AGAP1: variants seen among roughly 807,000 people sequenced by gnomAD.
The protein encoded by AGAP1 is ArfGAP with GTPase domain, ankyrin repeat and PH domain 1.
Under a neutral mutation model 105.3 loss-of-function variants are expected in AGAP1, and 29 were observed. That is an observed-to-expected ratio of 0.28 (90% confidence interval 0.21 to 0.38). The LOEUF is 0.38. Ranked by LOEUF, AGAP1 falls within the 10% of genes least tolerant of loss-of-function variation. The probability of loss-of-function intolerance (pLI) is 1.00; values close to 1 mark genes in which losing one functional copy is unlikely to be tolerated. For missense variants in AGAP1, 998 were observed against 1,165.1 expected, an observed-to-expected ratio of 0.86 and a Z score of 2.09; for synonymous variants, 509 against 485.9, an observed-to-expected ratio of 1.05 and a Z score of -0.63.
In AGAP1 at chr2:235,552,205, G is replaced by A. The variant is rs1943837178; in HGVS notation, c.163+57356G>A. On this transcript the variant is annotated intron_variant, in intron 1 of 17. Coordinates refer to ENST00000304032, the MANE Select transcript of AGAP1 (RefSeq NM_001037131.3). The surrounding 1 kb of genome is among the most constrained non-coding windows in gnomAD (Gnocchi z 5.9). ...CTCTGGCCGCGGTAGTCTGGACAGG[G>A]CTTCTGAGAACCACCTGCAGTTCTG... Among the ~76,000 whole-genome samples, 1 of 152,196 alleles carries A rather than the reference G, an allele frequency of 6.6e-6. No individual in the cohort carries two copies. Among genetic ancestry groups the A allele is most frequent in the African/African-American group, 2.4e-5 (1 of 41,454 alleles).
chr2:235,630,075 T>C (rs952421226), intron 1 of AGAP1, among the ~76,000 whole-genome samples: 1 of 152,122 alleles, frequency 6.6e-6, no homozygotes, highest in Non-Finnish European at 1.5e-5. Context: ...TGCATTAAGA[T>C]GAAACTTTAA....
intron 13 of AGAP1, among the ~76,000 whole-genome samples, chr2:236,017,722 CTA>C (rs1440132346): frequency 2.0e-5 from 3 of 152,332 alleles, no homozygotes; most frequent in African/African-American, 7.2e-5. Context: ...AGGTTTGAGT[CTA>C]AGGATCTCTC....
intron 13 of AGAP1, among the ~76,000 whole-genome samples, chr2:236,019,038 TC>T (rs2056802393): frequency 6.6e-6 from 1 of 152,220 alleles, no homozygotes; most frequent in African/African-American, 2.4e-5. Context: ...TGGTCACTGT[TC>T]CTCTGAGCAG....
At chr2:235,932,791 C>T (rs950601635) in intron 12 of AGAP1, among the ~76,000 whole-genome samples, 3 of 152,208 alleles carry the variant, frequency 2.0e-5, no homozygotes, top group Non-Finnish European at 4.4e-5. Flanking sequence ...TGGGCGTTTC[C>T]ACACCGCCAC....
intron 6 of AGAP1, among the ~76,000 whole-genome samples, chr2:235,779,766 A>G (rs943939070): frequency 1.3e-5 from 2 of 152,222 alleles, no homozygotes; most frequent in Non-Finnish European, 2.9e-5. Flanking sequence ...GAAAGATACA[A>G]TGAATTAAAT....
At chr2:235,688,986 C>T (rs1949606450) in intron 1 of AGAP1, among the ~76,000 whole-genome samples, 1 of 152,196 alleles carries the variant, frequency 6.6e-6, no homozygotes, top group Non-Finnish European at 1.5e-5. Context: ...AAGCACTTTG[C>T]TTGCATTTGT....
chr2:235,913,303 T>G (rs554043828), intron 11 of AGAP1, among the ~76,000 whole-genome samples: 2 of 152,316 alleles, frequency 1.3e-5, no homozygotes, highest in South Asian at 4.1e-4. Flanking sequence ...TATATCTGTG[T>G]GTATGTGTGT....
chr2:235,607,277 C>A (rs1945976029), intron 1 of AGAP1, among the ~76,000 whole-genome samples: 1 of 152,228 alleles, frequency 6.6e-6, no homozygotes, highest in Non-Finnish European at 1.5e-5. Flanking sequence ...AAGCCCGATG[C>A]ATGATTTAGC....
At chr2:235,505,125 A>C (rs1226781697) in intron 1 of AGAP1, among the ~76,000 whole-genome samples, 1 of 152,194 alleles carries the variant, frequency 6.6e-6, no homozygotes, top group Non-Finnish European at 1.5e-5. Flanking sequence ...TGGTCTTTGA[A>C]AGGGAATTCA....
rs1958987799 is a variant in AGAP1 at position 235,824,957 on chromosome 2, A to G, written c.1050+17626A>G. ...CCCTAATGGAAACCTTCCTTTTTTT[A>G]TCAACAGTGGAGGAGATTCAGGAGA... On this transcript the variant is annotated intron_variant, in intron 9 of 17. Coordinates refer to ENST00000304032, the MANE Select transcript of AGAP1 (RefSeq NM_001037131.3). This position sits in a 1 kb window ranked among gnomAD's most constrained non-coding sequence, Gnocchi z 5.2. Among the ~76,000 whole-genome samples, 1 of 152,020 alleles carries G rather than the reference A, an allele frequency of 6.6e-6. No homozygotes were observed. The highest frequency in any genetic ancestry group is 1.5e-5 in the Non-Finnish European group (1 of 68,000).
At chr2:235,954,020 A>G (rs2053846165) in intron 12 of AGAP1, among the ~76,000 whole-genome samples, 1 of 152,154 alleles carries the variant, frequency 6.6e-6, no homozygotes, top group Non-Finnish European at 1.5e-5. Context: ...ACCTGAGGTC[A>G]GGAGTTTGAG....
chr2:236,057,902 C>G (rs1438101540), intron 16 of AGAP1, among the ~76,000 whole-genome samples: 1 of 152,144 alleles, frequency 6.6e-6, no homozygotes, highest in African/African-American at 2.4e-5. Flanking sequence ...GCTTTGAGGC[C>G]TGGGTCATGC....
At chr2:235,938,457 C>T (rs2053097293) in intron 12 of AGAP1, among the ~76,000 whole-genome samples, 1 of 152,162 alleles carries the variant, frequency 6.6e-6, no homozygotes, top group South Asian at 2.1e-4. Context: ...TGTGTGGATG[C>T]CACAAGCTGA....
At chr2:236,010,533 T>C (rs964973809) in intron 13 of AGAP1, among the ~76,000 whole-genome samples, 1 of 152,218 alleles carries the variant, frequency 6.6e-6, no homozygotes, top group African/African-American at 2.4e-5. Flanking sequence ...GAGACCCTCA[T>C]GAGTGGAGTG....
Position 235,621,110 on chromosome 2 carries a change from C to T in AGAP1, c.164-88069C>T, listed in dbSNP as rs1946463069. On this transcript the variant is annotated intron_variant, in intron 1 of 17. Transcript: ENST00000304032. The surrounding 1 kb of genome is among the most constrained non-coding windows in gnomAD (Gnocchi z 4.1). ...AATCTTGGCTCACTGCAAACTCCAC[C>T]TCCTAGGTTCAAGCAATTCTCCTGC... 6.6e-6 allele frequency among the ~76,000 whole-genome samples: 1 copy of T among 152,140 alleles called. No homozygotes were observed.
intron 11 of AGAP1, among the ~76,000 whole-genome samples, chr2:235,920,703 A>G (rs1214954871): frequency 6.6e-6 from 1 of 152,230 alleles, no homozygotes; most frequent in Non-Finnish European, 1.5e-5. Flanking sequence ...TTCATACATG[A>G]AGAGACACCA....
At chr2:235,670,376 C>T (rs1948325647) in intron 1 of AGAP1, 1 of 549,486 alleles carries the variant, frequency 1.8e-6, no homozygotes, top group Admixed American at 3.0e-5. Context: ...TTGGGATTTC[C>T]GCACCTTCCG....
intron 16 of AGAP1, among the ~76,000 whole-genome samples, chr2:236,064,761 G>A (rs1054079210): frequency 5.3e-5 from 8 of 152,276 alleles, no homozygotes; most frequent in South Asian, 2.1e-4. Flanking sequence ...GAAGAGCCTC[G>A]CACCCTTCCT....
chr2:235,755,850 C>T (rs1341289167), intron 6 of AGAP1, among the ~76,000 whole-genome samples: 3 of 152,212 alleles, frequency 2.0e-5, no homozygotes, highest in Non-Finnish European at 4.4e-5. Context: ...TGACATGGGA[C>T]TGTAGTCAGG....
Sources: allele counts gnomAD v4.1 joint callset (sites outside exome capture counted in the v4.1 genomes callset), GRCh38; gene constraint gnomAD v4.1.1; non-coding constraint Gnocchi (gnomAD v3.1); transcripts MANE v1.5; gene names NCBI Gene and HGNC (gene_info 2026-07-23, HGNC 2026-07-21).